Variants in CERK observed in about 807,000 individuals in gnomAD.
The protein encoded by CERK is acylsphingosine kinase.
A neutral mutation model predicts 63.4 loss-of-function variants in CERK; 39 were observed. The observed-to-expected ratio is 0.61, with a 90% CI of 0.48 to 0.80. The LOEUF (loss-of-function observed/expected upper bound fraction) is 0.80. Ranked by LOEUF, CERK falls within the 30% of genes least tolerant of loss-of-function variation. The pLI, the probability that CERK is intolerant of heterozygous loss-of-function variation, is 0.00. For synonymous variants in CERK, 302 were observed against 280.0 expected (o/e 1.08, Z -0.78); for missense variants, 670 against 714.1 (o/e 0.94, Z 0.70).
At chr22:46,701,025 AT>A (rs2082780951) in intron 7 of CERK, among the ~76,000 whole-genome samples, 1 of 152,042 alleles carries the variant, frequency 6.6e-6, no homozygotes, top group Non-Finnish European at 1.5e-5. Flanking sequence ...AAAAAAAAAA[AT>A]CCTAAGTGGC....
intron 1 of CERK, among the ~76,000 whole-genome samples, chr22:46,734,125 G>A (rs1601734009): frequency 6.7e-6 from 1 of 149,992 alleles, no homozygotes; most frequent in African/African-American, 2.5e-5. Context: ...TCTTAAATAT[G>A]CACCCAAGAG....
rs1555991031 is a variant in CERK at position 46,738,250 on chromosome 22, G to GCGGGAGGCGGGCT, written c.-103_-102insAGCCCGCCTCCCG. The GCGGGAGGCGGGCT allele has an allele frequency of 1.5e-6, 1 of 663,922 alleles. No homozygotes were observed. The highest frequency in any genetic ancestry group is 1.3e-4 in the East Asian group (1 of 7,800). 41.1% of individuals were successfully genotyped at this position (663,922 alleles called of 1,614,324 possible). ...GTGGCCCGGGCGGCGGGCGGCGGGC[G>GCGGGAGGCGGGCT]GCGGGAGGCGGCGCTGCGTCACCCC... is the stretch of plus-strand genomic sequence containing the variant. On this transcript the variant is annotated 5_prime_UTR_variant, in exon 1 of 13. Transcript: ENST00000216264.
intron 3 of CERK, among the ~76,000 whole-genome samples, chr22:46,715,112 T>C (rs553966142): frequency 6.6e-6 from 1 of 152,302 alleles, no homozygotes; most frequent in African/African-American, 2.4e-5. Context: ...GGAAATTCTG[T>C]CTTAATCTGA....
chr22:46,692,276 A>G (rs1401699062), intron 10 of CERK, among the ~76,000 whole-genome samples: 1 of 151,552 alleles, frequency 6.6e-6, no homozygotes, highest in Admixed American at 6.6e-5. Context: ...AAATACAAAA[A>G]TTAGCCAGGC....
At chr22:46,723,772 G>A (rs568232594) in intron 1 of CERK, among the ~76,000 whole-genome samples, 2 of 150,566 alleles carry the variant, frequency 1.3e-5, no homozygotes, top group Non-Finnish European at 1.5e-5. Context: ...ATCTTGGCTC[G>A]CTGCAACCTC....
At chr22:46,702,325 T>C (rs552051933) in intron 6 of CERK, among the ~76,000 whole-genome samples, 107 of 148,316 alleles carry the variant, frequency 7.2e-4, no homozygotes, top group African/African-American at 2.6e-3. Context: ...GACGGAGTCT[T>C]GCTCTGTCGC....
chr22:46,691,524 C>T (rs750394957), intron 11 of CERK, 48 bp downstream of exon 11: 3 of 1,474,562 alleles, frequency 2.0e-6, no homozygotes, highest in East Asian at 2.3e-5. Context: ...ACTGCTGGAA[C>T]ATAAATTACT....
Position 46,691,680 on chromosome 22 carries a change from G to T in CERK, c.1224C>A (p.Ser408=). The stretch of plus-strand genomic sequence containing the variant: ...ACCCGTCTCCCAAGTGGGCAGCCGG[G>T]GAGAGGCCCCTGGGGCTCCGGCGAC... ...CACRRSPRGL[S]PAAHLGDGSS... Residue 408 remains serine (S), a synonymous_variant, in exon 11 of 13, where the codon TCC becomes TCA. Transcript: ENST00000216264. The T allele has an allele frequency of 6.2e-7, 1 of 1,614,002 alleles. No homozygotes were observed. The highest frequency in any genetic ancestry group is 8.5e-7 in the Non-Finnish European group (1 of 1,180,000).
rs2082889084 is a variant in CERK, at chr22:46,720,939, T to C, written c.219A>G (p.Gly73=). 1 of 1,613,562 alleles carries C rather than the reference T, an allele frequency of 6.2e-7. No homozygotes were observed. Among genetic ancestry groups the C allele is most frequent in the Non-Finnish European group, 8.5e-7 (1 of 1,179,544 alleles). ...TDVHGKHQGS[G]KWQKMEKPYA... is the part of the protein sequence containing the mutation. ...AAGGCTTTTCCATTTTCTGCCATTT[T>C]CCACTGCCTTGATGTTTCCCGTGAA... The change falls in exon 2 of 13, where the codon GGA becomes GGG. Residue 73 remains glycine, a synonymous_variant. Transcript: ENST00000216264.
chr22:46,699,377 G>A lies in CERK; in HGVS notation c.879C>T (p.Tyr293=), dbSNP rs138509200. 43 of 1,614,120 alleles carry A rather than the reference G, an allele frequency of 2.7e-5. No homozygotes were observed. Among genetic ancestry groups the A allele is most frequent in the African/African-American group, 1.7e-4 (13 of 75,040 alleles). ...TCTCACTGTCCTTGATGATGTCCCC[G>A]TAGAAGCCGTAGCCCAGCAGGGACA... The part of the protein sequence containing the change: ...YSVSLLGYGF[Y]GDIIKDSEKK... Residue 293 remains tyrosine (Y), a synonymous_variant, in exon 8 of 13, where the codon TAC becomes TAT. Coordinates refer to ENST00000216264, the MANE Select transcript of CERK (RefSeq NM_022766.6).
At chr22:46,715,841 T>C (rs1384680238) in intron 3 of CERK, among the ~76,000 whole-genome samples, 3 of 151,984 alleles carry the variant, frequency 2.0e-5, no homozygotes, top group African/African-American at 7.3e-5. Context: ...GACTTTGGAG[T>C]AGACAAAGAT....
chr22:46,737,483 C>G (rs895083378), intron 1 of CERK, among the ~76,000 whole-genome samples: 2 of 152,188 alleles, frequency 1.3e-5, no homozygotes, highest in African/African-American at 4.8e-5. Context: ...TCCCCCATCC[C>G]GAGCAGGGAG....
chr22:46,701,245 G>A (rs556849136), intron 7 of CERK, among the ~76,000 whole-genome samples: 24 of 152,248 alleles, frequency 1.6e-4, no homozygotes, highest in Non-Finnish European at 2.6e-4. Flanking sequence ...TTCCACAGCT[G>A]GCAGCCCAGG....
intron 8 of CERK, 99 bp downstream of exon 8, chr22:46,699,214 C>T: frequency 7.9e-7 from 1 of 1,268,746 alleles, no homozygotes; most frequent in Non-Finnish European, 1.1e-6. Context: ...CAGGTGGGGG[C>T]CCACCTCTGA....
Position 46,707,798 on chromosome 22 carries a change from A to C in CERK, c.715+45T>G, listed in dbSNP as rs775698676. Reference sequence around the variant, plus strand: ...GGCTACTTGTGCAGAACAATTCCTAAGGACGGGAACGAAGAGAACAGAGAA... The same window carrying C: ...GGCTACTTGTGCAGAACAATTCCTACGGACGGGAACGAAGAGAACAGAGAA... On this transcript the variant is annotated intron_variant, in intron 6 of 12. Transcript: ENST00000216264. 6 of 1,565,526 alleles carry C rather than the reference A, an allele frequency of 3.8e-6. No individual in the cohort carries two copies. In the East Asian group the frequency reaches 9.1e-5, roughly 24 times the overall value.
intron 10 of CERK, among the ~76,000 whole-genome samples, chr22:46,692,692 G>T (rs1413763972): frequency 6.6e-6 from 1 of 151,864 alleles, no homozygotes; most frequent in East Asian, 1.9e-4. Context: ...ATCACCTGAG[G>T]TCAGGAGTTT....
At chr22:46,693,636 T>C (rs1325349475) in intron 9 of CERK, 133 bp from the exon 10 acceptor site, 1 of 699,972 alleles carries the variant, frequency 1.4e-6, no homozygotes, top group Non-Finnish European at 2.5e-6. Context: ...ACAAAATATT[T>C]TTTGGCATAT....
In CERK at chr22:46,699,331, C is replaced by A. The variant is rs1182131861; in HGVS notation, c.925G>T (p.Ala309Ser). Residue 309 changes from alanine (A) to serine (S), a missense_variant, in exon 8 of 13, where the codon GCC (alanine) becomes TCC (serine). Physicochemically the swap from Ala to Ser is moderately conservative, Grantham distance 99. Coordinates refer to ENST00000216264, the MANE Select transcript of CERK (RefSeq NM_022766.6). ...GAGTTACCTGAAAAGTCGTATCTGG[C>A]AAGACCCAACCACCGTTTCTTCTCA... is the stretch of plus-strand genomic sequence containing the variant. ...DSEKKRWLGLARYDFSGLKTF... is the reference protein window; with the variant it reads ...DSEKKRWLGLSRYDFSGLKTF... The A allele has an allele frequency of 1.2e-6, 2 of 1,614,170 alleles. No individual in the cohort carries two copies. Among genetic ancestry groups the A allele is most frequent in the Non-Finnish European group, 8.5e-7 (1 of 1,180,022 alleles).
chr22:46,735,758 G>A (rs1601735189), intron 1 of CERK, among the ~76,000 whole-genome samples: 1 of 152,316 alleles, frequency 6.6e-6, no homozygotes, highest in East Asian at 1.9e-4. Context: ...CCACCTTGCT[G>A]ACCAAATTAA....
Sources: gnomAD v4.1 joint callset for allele counts (sites outside exome capture counted in the v4.1 genomes callset) on GRCh38, gnomAD v4.1.1 for gene constraint, MANE v1.5 for transcripts, NCBI Gene and HGNC (gene_info 2026-07-23, HGNC 2026-07-21) for gene names.